CACNG6: variants seen among roughly 807,000 people sequenced by gnomAD.
CACNG6 encodes the protein calcium voltage-gated channel auxiliary subunit gamma 6.
Under a neutral mutation model 23.9 loss-of-function variants are expected in CACNG6, and 21 were observed. The ratio of observed to expected loss-of-function variants is 0.88; its 90% CI spans 0.62 to 1.26. The LOEUF (loss-of-function observed/expected upper bound fraction) is 1.26, where lower values mean the gene tolerates loss of function less well. Among genes scored for constraint, CACNG6 ranks in the 50% most tolerant of loss-of-function variants. The probability of loss-of-function intolerance (pLI) is 0.00; values close to 1 mark genes in which losing one functional copy is unlikely to be tolerated. For missense variants in CACNG6, 340 were observed against 352.9 expected, an observed-to-expected ratio of 0.96 and a Z score of 0.29; for synonymous variants, 182 against 168.9, an observed-to-expected ratio of 1.08 and a Z score of -0.60.
intron 3 of CACNG6, among the ~76,000 whole-genome samples, chr19:54,002,148 T>C (rs554042352): frequency 6.6e-6 from 1 of 151,870 alleles, no homozygotes; most frequent in Admixed American, 6.6e-5. Flanking sequence ...AGTACAGTGG[T>C]GCAATCTCAT....
chr19:54,011,249 A>C (rs1600066779), intron 3 of CACNG6, among the ~76,000 whole-genome samples: 1 of 112,234 alleles, frequency 8.9e-6, no homozygotes, highest in Non-Finnish European at 1.9e-5. Context: ...CACACACAAA[A>C]ATTAGCCAGG....
chr19:54,006,038 T>G (rs1209236593), intron 3 of CACNG6, among the ~76,000 whole-genome samples: 1 of 149,378 alleles, frequency 6.7e-6, no homozygotes, highest in Non-Finnish European at 1.5e-5. Flanking sequence ...AGAAGTGAGC[T>G]GAGATCGCAC....
In CACNG6 at chr19:54,003,484, G is replaced by A. The variant is rs866498924; in HGVS notation, c.544+3713G>A. Among the ~76,000 whole-genome samples the A allele has an allele frequency of 1.1e-4, 16 of 152,050 alleles. No homozygotes were observed. In the East Asian group the frequency reaches 2.3e-3, roughly 22 times the overall value. ...CCAGCGATTCTCCTGCCACAGCCTC[G>A]GAAGTAGCTGGGATTACAGGTGCCT... On this transcript the variant is annotated intron_variant, in intron 3 of 3. Transcript: ENST00000252729.
At chr19:53,994,146 C>T (rs993792438) in intron 1 of CACNG6, among the ~76,000 whole-genome samples, 3 of 152,104 alleles carry the variant, frequency 2.0e-5, no homozygotes, top group Admixed American at 6.6e-5. Flanking sequence ...AGACAGCTTG[C>T]GCTCCCATCC....
intron 3 of CACNG6, among the ~76,000 whole-genome samples, chr19:54,006,522 CTTTTTTTTTT>C (rs766609552): frequency 5.9e-5 from 2 of 34,172 alleles, no homozygotes; most frequent in African/African-American, 1.1e-4. Flanking sequence ...TCTTTCTTTT[CTTTTTTTTTT>C]TTTTTTTTTT....
chr19:54,011,205 A>AATATATATATAT (rs1555819785), intron 3 of CACNG6, among the ~76,000 whole-genome samples: 22 of 102,492 alleles, frequency 2.1e-4, no homozygotes, highest in African/African-American at 9.4e-4. Context: ...AAAAAAAAAA[A>AATATATATATAT]ATATATATAT....
intron 3 of CACNG6, among the ~76,000 whole-genome samples, chr19:54,011,003 C>T (rs1360280627): frequency 6.6e-6 from 1 of 151,488 alleles, no homozygotes. Context: ...TCCACCTCTT[C>T]AAACTTGATC....
Position 53,993,037 on chromosome 19 carries a change from G to A in CACNG6, c.160G>A (p.Val54Met), listed in dbSNP as rs776514934. 1.3e-6 allele frequency: 2 copies of A among 1,488,950 alleles called. No homozygotes were observed. Among genetic ancestry groups the A allele is most frequent in the East Asian group, 2.8e-5 (1 of 36,112 alleles). 92.2% of individuals were successfully genotyped at this position (1,488,950 alleles called of 1,614,324 possible). A position where few individuals can be genotyped will look rare whatever the true frequency, so the allele number is the denominator to read the frequency against. ...GGCCGCCGTGGGCGCCACGCTGGCG[G>A]TGCTGTCCGTGGGCACCGAGTTCTG... Reference protein sequence around the residue: ...LLAAVGATLAVLSVGTEFWVE... With the variant: ...LLAAVGATLAMLSVGTEFWVE... The change falls in exon 1 of 4, where the codon GTG becomes ATG. Residue 54 changes from valine to methionine, a missense_variant. By Grantham distance (21) the Val-to-Met change is conservative. Coordinates refer to ENST00000252729, the MANE Select transcript of CACNG6 (RefSeq NM_145814.2).
chr19:53,992,972 C>T lies in CACNG6; in HGVS notation c.95C>T (p.Thr32Met), dbSNP rs1202803677. ...CACGGGCAGGGCAGGTCGGGGCTGA[C>T]GCCCGAGCGCGAGGGGAAGGTGAAG... ...RAHGQGRSGL[T>M]PEREGKVKLA... is the part of the protein sequence containing the mutation. Residue 32 changes from threonine to methionine, a missense_variant, in exon 1 of 4, where the codon ACG becomes ATG. Transcript: ENST00000252729. The surrounding 1 kb of genome is among the most constrained non-coding windows in gnomAD (Gnocchi z 4.1). 3.5e-6 allele frequency: 5 copies of T among 1,432,358 alleles called. No homozygotes were observed. Among genetic ancestry groups the T allele is most frequent in the Non-Finnish European group, 4.6e-6 (5 of 1,096,748 alleles). 88.7% of individuals were successfully genotyped at this position (1,432,358 alleles called of 1,614,324 possible).
chr19:54,010,039 TC>T (rs1341965154), intron 3 of CACNG6, among the ~76,000 whole-genome samples: 975 of 89,420 alleles, frequency 0.011, 31 homozygotes, highest in African/African-American at 0.04. Context: ...TTCTTTTCTT[TC>T]TTTTTTTTTT....
intron 1 of CACNG6, among the ~76,000 whole-genome samples, chr19:53,996,863 ATTTTTT>A (rs35192974): frequency 4.1e-5 from 4 of 98,570 alleles, no homozygotes; most frequent in African/African-American, 1.3e-4. Context: ...GATCTTTGGG[ATTTTTT>A]TTTTTTTTTT....
chr19:54,008,505 C>T (rs1484484297), intron 3 of CACNG6, among the ~76,000 whole-genome samples: 4 of 152,198 alleles, frequency 2.6e-5, no homozygotes, highest in African/African-American at 9.7e-5. Context: ...ATGCGTGACT[C>T]TCAGACGGTC....
chr19:53,998,287 G>T lies in CACNG6; in HGVS notation c.380G>T (p.Arg127Leu). The T allele has an allele frequency of 6.2e-7, 1 of 1,613,980 alleles. No homozygotes were observed. Among genetic ancestry groups the T allele is most frequent in the Non-Finnish European group, 8.5e-7 (1 of 1,179,962 alleles). Residue 127 changes from arginine (R) to leucine (L), a missense_variant, in exon 2 of 4, where the codon CGC becomes CTC. Transcript: ENST00000252729. ...FKFFTTGENA[R>L]IFQRTTKKEV... ...TTCTTCACCACGGGGGAGAATGCAC[G>T]CATCTTTCAGAGAACCACAAAGAAA...
intron 2 of CACNG6, among the ~76,000 whole-genome samples, chr19:53,998,604 C>T (rs2069545817): frequency 6.6e-6 from 1 of 151,478 alleles, no homozygotes; most frequent in South Asian, 2.1e-4. Context: ...CTCCGCCTCC[C>T]AGGTTCAAGC....
chr19:54,004,191 G>C (rs1289893332), intron 3 of CACNG6, among the ~76,000 whole-genome samples: 1 of 151,056 alleles, frequency 6.6e-6, no homozygotes, highest in Non-Finnish European at 1.5e-5. Flanking sequence ...ACGGAGTTTC[G>C]CTCTTGTTGC....
intron 1 of CACNG6, 43 bp downstream of exon 1, chr19:53,993,251 A>G (rs2145951545): frequency 6.6e-7 from 1 of 1,507,250 alleles, no homozygotes; most frequent in African/African-American, 1.4e-5. Context: ...CGTCCCACGG[A>G]CAGGGAGGGA....
In CACNG6 at chr19:53,992,958, C is replaced by T; in HGVS notation, c.81C>T (p.Gly27=). ...AAGRRRAHGQ[G]RSGLTPEREG... ...GCCGGCGGCGGGCGCACGGGCAGGG[C>T]AGGTCGGGGCTGACGCCCGAGCGCG... The change falls in exon 1 of 4, where the codon GGC becomes GGT. Residue 27 remains glycine (G), a synonymous_variant. Coordinates refer to ENST00000252729, the MANE Select transcript of CACNG6 (RefSeq NM_145814.2). The surrounding 1 kb of genome is among the most constrained non-coding windows in gnomAD (Gnocchi z 4.1). 2.8e-6 allele frequency: 4 copies of T among 1,419,276 alleles called. No homozygotes were observed. Among genetic ancestry groups the T allele is most frequent in the East Asian group, 2.9e-5 (1 of 34,284 alleles). The allele number at this position is 1,419,276 out of a possible 1,614,324, so 87.9% of individuals were successfully genotyped here.
chr19:53,998,392 C>T (rs908974885), intron 2 of CACNG6, 79 bp downstream of exon 2: 4 of 1,288,286 alleles, frequency 3.1e-6, no homozygotes, highest in Non-Finnish European at 4.5e-6. Flanking sequence ...AGAGAGTTAT[C>T]CCCTCCTCTG....
chr19:54,005,210 AAAATAAATAAATAAAT>A (rs369829612), intron 3 of CACNG6, among the ~76,000 whole-genome samples: 7 of 132,840 alleles, frequency 5.3e-5, no homozygotes, highest in African/African-American at 1.4e-4. Context: ...CTCCATCTCA[AAAATAAATAAATAAAT>A]AAATAAATAA....
Sources: gnomAD v4.1 joint callset for allele counts (sites outside exome capture counted in the v4.1 genomes callset) on GRCh38, gnomAD v4.1.1 for gene constraint, Gnocchi (gnomAD v3.1) non-coding constraint, MANE v1.5 for transcripts, NCBI Gene and HGNC (gene_info 2026-07-23, HGNC 2026-07-21) for gene names.